Variants in TOM1L1 observed in about 807,000 individuals in gnomAD.
The protein encoded by TOM1L1 is TOM1-like protein 1.
Under a neutral mutation model 63.4 loss-of-function variants are expected in TOM1L1, and 64 were observed. The observed-to-expected ratio is 1.01, with a 90% CI of 0.83 to 1.24. TOM1L1 has a LOEUF of 1.24. Ranked by LOEUF, TOM1L1 falls within the 50% of genes most tolerant of loss-of-function variation. The pLI is 0.00. For synonymous variants in TOM1L1, 166 were observed against 194.4 expected (o/e 0.85, Z 1.22); for missense variants, 536 against 567.0 (o/e 0.95, Z 0.55).
intron 14 of TOM1L1, chr17:54,953,196 T>A (rs2049322211): frequency 6.6e-6 from 1 of 151,838 alleles, no homozygotes; most frequent in East Asian, 1.9e-4. Flanking sequence ...CCTGACAGCA[T>A]AACGAGACCT....
chr17:54,943,441 G>GGTGTGTGT (rs10694555), intron 11 of TOM1L1, among the ~76,000 whole-genome samples: 3,007 of 134,376 alleles, frequency 0.022, 50 homozygotes, highest in African/African-American at 0.048. Context: ...TTTGTATAAT[G>GGTGTGTGT]GTGTGTGTGT....
intron 14 of TOM1L1, among the ~76,000 whole-genome samples, chr17:54,951,284 C>T (rs960555709): frequency 1.3e-5 from 2 of 152,186 alleles, no homozygotes; most frequent in African/African-American, 2.4e-5. Flanking sequence ...ATGGAGTTTC[C>T]GTGCCCTCCC....
At chr17:54,915,555 C>A (rs2048573428) in intron 6 of TOM1L1, among the ~76,000 whole-genome samples, 191 bp from the exon 7 acceptor site, 1 of 152,034 alleles carries the variant, frequency 6.6e-6, no homozygotes, top group Non-Finnish European at 1.5e-5. Flanking sequence ...ATCTCAAGTC[C>A]TTTTAGAAGG....
intron 10 of TOM1L1, 106 bp downstream of exon 10, chr17:54,937,332 T>G: frequency 1.1e-6 from 1 of 913,796 alleles, no homozygotes; most frequent in Non-Finnish European, 1.8e-6. Flanking sequence ...GAAGTCAGGT[T>G]GAATGTCAGA....
At chr17:54,959,034 A>G (rs1017482856) in intron 14 of TOM1L1, among the ~76,000 whole-genome samples, 1 of 152,216 alleles carries the variant, frequency 6.6e-6, no homozygotes, top group Non-Finnish European at 1.5e-5. Flanking sequence ...GGAAGTTTCC[A>G]TATCAAGACA....
At chr17:54,914,390 C>T (rs1199228186) in intron 5 of TOM1L1, among the ~76,000 whole-genome samples, 1 of 150,678 alleles carries the variant, frequency 6.6e-6, no homozygotes, top group Non-Finnish European at 1.5e-5. Flanking sequence ...AAAAAAAGGG[C>T]ATTTTATTAA....
chr17:54,956,795 C>A (rs1397146626), intron 14 of TOM1L1: 1 of 152,212 alleles, frequency 6.6e-6, no homozygotes, highest in East Asian at 1.9e-4. Flanking sequence ...AAATAAAGCA[C>A]CGGGCATAGT....
intron 9 of TOM1L1, 55 bp from the exon 10 acceptor site, chr17:54,937,054 G>A (rs2048959375): frequency 2.1e-6 from 3 of 1,411,640 alleles, no homozygotes; most frequent in African/African-American, 1.4e-5. Context: ...AAAGTATGGG[G>A]AGAAAGCTGT....
chr17:54,945,347 C>T (rs1218179408), intron 11 of TOM1L1, among the ~76,000 whole-genome samples: 1 of 152,170 alleles, frequency 6.6e-6, no homozygotes, highest in Non-Finnish European at 1.5e-5. Flanking sequence ...AGGACATGAG[C>T]ATAGCATTTG....
intron 11 of TOM1L1, among the ~76,000 whole-genome samples, chr17:54,945,862 C>G (rs992265154): frequency 2.0e-5 from 3 of 151,994 alleles, no homozygotes; most frequent in Non-Finnish European, 4.4e-5. Flanking sequence ...TCTGTGTCCT[C>G]TTGGCATCGA....
At chr17:54,930,582 G>A (rs1472994745) in intron 8 of TOM1L1, among the ~76,000 whole-genome samples, 2 of 152,114 alleles carry the variant, frequency 1.3e-5, no homozygotes, top group African/African-American at 4.8e-5. Context: ...GCTCACACCT[G>A]TATCCCCAGC....
At position 54,959,704 on chromosome 17, in the gene TOM1L1, G is replaced by A. The variant is rs377328412; in HGVS notation, c.1371-862G>A. Among the ~76,000 whole-genome samples the A allele has an allele frequency of 1.6e-3, 245 of 149,020 alleles. 7 individuals are homozygous for A. In the South Asian group the frequency reaches 0.047, roughly 29 times the overall value. ...ACGATCTCAGCTCACTGCAATCTCC[G>A]CCTCCTAGGCTCCAGTGATCCTCCG... On this transcript the variant is annotated intron_variant, in intron 14 of 15. Transcript: ENST00000575882.
chr17:54,955,079 C>G (rs1478451636), intron 14 of TOM1L1: 1 of 152,208 alleles, frequency 6.6e-6, no homozygotes, highest in Non-Finnish European at 1.5e-5. Context: ...TCTACGGTCT[C>G]TGCACACAGT....
intron 11 of TOM1L1, 111 bp from the exon 12 acceptor site, chr17:54,947,150 C>G (rs2049133271): frequency 4.2e-6 from 4 of 941,562 alleles, no homozygotes; most frequent in Non-Finnish European, 6.7e-6. Flanking sequence ...ACACTTTATG[C>G]AGTCTGAAGG....
intron 8 of TOM1L1, among the ~76,000 whole-genome samples, chr17:54,932,277 G>T (rs1374621074): frequency 1.3e-5 from 2 of 152,202 alleles, no homozygotes; most frequent in Non-Finnish European, 1.5e-5. Flanking sequence ...CAGGGAGTAT[G>T]TGACTAGAGG....
intron 8 of TOM1L1, among the ~76,000 whole-genome samples, chr17:54,934,962 C>T (rs1159477178): frequency 6.6e-6 from 1 of 152,156 alleles, no homozygotes; most frequent in Non-Finnish European, 1.5e-5. Context: ...AAGTAATCCA[C>T]CTGTCTCAGC....
intron 3 of TOM1L1, among the ~76,000 whole-genome samples, chr17:54,909,541 C>A (rs756762001): frequency 1.3e-5 from 2 of 152,228 alleles, no homozygotes; most frequent in African/African-American, 2.4e-5. Flanking sequence ...TCATCACATT[C>A]ACTCCTGCTA....
intron 14 of TOM1L1, among the ~76,000 whole-genome samples, chr17:54,959,882 GCTGGGATTATAGGTGTGAGCCA>G (rs2077069241): frequency 6.6e-6 from 1 of 152,130 alleles, no homozygotes; most frequent in Admixed American, 6.5e-5. Flanking sequence ...CTCCCAGAGT[GCTGGGATTATAGGTGTGAGCCA>G]CTGCACTTGT....
chr17:54,909,141 C>T (rs1284250646), intron 3 of TOM1L1, among the ~76,000 whole-genome samples: 1 of 152,152 alleles, frequency 6.6e-6, no homozygotes, highest in Non-Finnish European at 1.5e-5. Context: ...TGACTGTAAT[C>T]CCAGCTACTC....
Sources: allele counts gnomAD v4.1 joint callset (sites outside exome capture counted in the v4.1 genomes callset), GRCh38; gene constraint gnomAD v4.1.1; transcripts MANE v1.5; gene names NCBI Gene and HGNC (gene_info 2026-07-23, HGNC 2026-07-21).